Variants in ESRRB observed in about 807,000 individuals in gnomAD.
ESRRB encodes steroid hormone receptor ERR2.
ESRRB carries 16 observed loss-of-function variants against 46.0 expected under a neutral mutation model. The ratio of observed to expected loss-of-function variants is 0.35; its 90% CI spans 0.24 to 0.53. The LOEUF (loss-of-function observed/expected upper bound fraction) is 0.53, where lower values mean the gene tolerates loss of function less well. Ranked by LOEUF, ESRRB falls within the 20% of genes least tolerant of loss-of-function variation. The probability of loss-of-function intolerance (pLI) is 0.93; values close to 1 mark genes in which losing one functional copy is unlikely to be tolerated. For missense variants in ESRRB, 488 were observed against 607.4 expected (o/e 0.80, Z 2.07); for synonymous variants, 246 against 259.6 (o/e 0.95, Z 0.50).
chr14:76,338,296 C>T (rs778932787), intron 1 of ESRRB, among the ~76,000 whole-genome samples: 2 of 152,182 alleles, frequency 1.3e-5, no homozygotes, highest in Admixed American at 6.5e-5. Context: ...GGGCATGGAG[C>T]GAGCACCCAG....
upstream of ESRRB, among the ~76,000 whole-genome samples, chr14:76,369,509 G>T (rs901383166): frequency 5.3e-5 from 8 of 152,028 alleles, no homozygotes; most frequent in East Asian, 1.2e-3. Flanking sequence ...CCTGAGCTCA[G>T]GTGATCCACC....
chr14:76,353,711 G>A (rs12432878), intron 1 of ESRRB, among the ~76,000 whole-genome samples: 71,845 of 152,004 alleles, frequency 0.47, 16,985 homozygotes, highest in Admixed American at 0.48. Flanking sequence ...CAGCACTTCA[G>A]GAGGCCAAGG....
intron 1 of ESRRB, among the ~76,000 whole-genome samples, chr14:76,349,583 A>C (rs1196683618): frequency 4.6e-5 from 7 of 152,178 alleles, no homozygotes; most frequent in Non-Finnish European, 1.0e-4. Flanking sequence ...TGAATGAATG[A>C]ATGAGATTTG....
intron 3 of ESRRB, among the ~76,000 whole-genome samples, chr14:76,465,956 C>T (rs1487603198): frequency 6.6e-6 from 1 of 152,234 alleles, no homozygotes; most frequent in Non-Finnish European, 1.5e-5. Flanking sequence ...GAGCATCCTC[C>T]TTCAACAGCC....
At chr14:76,318,784 G>A (rs947542764) in intron 1 of ESRRB, among the ~76,000 whole-genome samples, 3 of 152,196 alleles carry the variant, frequency 2.0e-5, no homozygotes, top group African/African-American at 7.2e-5. Flanking sequence ...CCTGGTGCCA[G>A]AAAGGCCAAG....
chr14:76,447,254 C>CTTCT (rs1888188840), intron 2 of ESRRB, among the ~76,000 whole-genome samples: 2 of 69,196 alleles, frequency 2.9e-5, no homozygotes, highest in Non-Finnish European at 5.4e-5. Flanking sequence ...TCCTTCCTTC[C>CTTCT]TTCCTTCCTT....
At position 76,376,384 on chromosome 14, in the gene ESRRB, A is replaced by C; in HGVS notation, c.-18A>C. 1 of 1,231,436 alleles carries C rather than the reference A, an allele frequency of 8.1e-7. No homozygotes were observed. The highest frequency in any genetic ancestry group is 1.0e-6 in the Non-Finnish European group (1 of 987,856). 76.3% of individuals were successfully genotyped at this position (1,231,436 alleles called of 1,614,324 possible). A position where few individuals can be genotyped will look rare whatever the true frequency, so the allele number is the denominator to read the frequency against. On this transcript the variant is annotated 5_prime_UTR_variant, in exon 1 of 7. Coordinates refer to ENST00000644823, the MANE Select transcript of ESRRB (RefSeq NM_001379180.1). This position sits in a 1 kb window ranked among gnomAD's most constrained non-coding sequence, Gnocchi z 4.1. ...CCGCCGTCTTTCTCTACCAACTGGG[A>C]ATGCTAAAACGGGACTGATGGACGT...
chr14:76,471,357 T>G (rs1240032028), intron 3 of ESRRB, among the ~76,000 whole-genome samples: 1 of 152,202 alleles, frequency 6.6e-6, no homozygotes, highest in African/African-American at 2.4e-5. Flanking sequence ...ACTGGTAAGA[T>G]TCTGTCATTT....
At chr14:76,403,804 G>A (rs959014815) in intron 1 of ESRRB, among the ~76,000 whole-genome samples, 6 of 151,978 alleles carry the variant, frequency 3.9e-5, no homozygotes, top group African/African-American at 1.5e-4. Flanking sequence ...TCAGTTCACT[G>A]CAACCTCCGC....
At chr14:76,444,546 G>GTT (rs558793202) in intron 2 of ESRRB, among the ~76,000 whole-genome samples, 1 of 150,884 alleles carries the variant, frequency 6.6e-6, no homozygotes, top group Non-Finnish European at 1.5e-5. Context: ...TCTGTTGTGG[G>GTT]TTTTTTTTTG....
intron 1 of ESRRB, among the ~76,000 whole-genome samples, chr14:76,322,406 A>G (rs8012684): frequency 0.56 from 85,435 of 152,060 alleles, 25,604 homozygotes; most frequent in Middle Eastern, 0.7. Context: ...CTGCGTCGCC[A>G]GGAGCTCTTT....
rs1555342250 is a variant in ESRRB at position 76,463,445 on chromosome 14, G to GTTTTGTTTTTTTTT, written c.577+788_577+789insGTTTTTTTTTTTTT. Reference sequence around the variant, plus strand: ...TGAAATTAGCATCACATGCTTCTTTGTTTTTTTTTTTTTTTTTTGGAGACG... The same window carrying GTTTTGTTTTTTTTT: ...TGAAATTAGCATCACATGCTTCTTTGTTTTGTTTTTTTTTTTTTTTTTTTTTTTTTTTGGAGACG... On this transcript the variant is annotated intron_variant, in intron 3 of 6. Transcript: ENST00000644823. 1.4e-3 allele frequency: 164 copies of GTTTTGTTTTTTTTT among 114,700 alleles called. 2 individuals carry two copies. Among genetic ancestry groups the GTTTTGTTTTTTTTT allele is most frequent in the African/African-American group, 5.6e-3 (153 of 27,282 alleles). 7.1% of individuals were successfully genotyped at this position (114,700 alleles called of 1,614,324 possible).
intron 3 of ESRRB, among the ~76,000 whole-genome samples, chr14:76,476,071 T>G (rs1889571572): frequency 8.2e-6 from 1 of 121,534 alleles, no homozygotes; most frequent in Admixed American, 8.3e-5. Context: ...TGAAGTGGGT[T>G]TTTTTTTTTA....
chr14:76,424,431 G>GTCCT (rs1887110430), intron 1 of ESRRB, among the ~76,000 whole-genome samples: 1 of 152,196 alleles, frequency 6.6e-6, no homozygotes, highest in African/African-American at 2.4e-5. Context: ...TCCTGTCCTG[G>GTCCT]TGTGCACAAG....
chr14:76,346,823 C>T (rs7140331), intron 1 of ESRRB, among the ~76,000 whole-genome samples: 83,108 of 152,104 alleles, frequency 0.55, 22,918 homozygotes, highest in Admixed American at 0.68. Flanking sequence ...AATTGGACTG[C>T]TGTTCTTTCA....
chr14:76,409,824 A>C (rs1423316559), intron 1 of ESRRB, among the ~76,000 whole-genome samples: 1 of 152,062 alleles, frequency 6.6e-6, no homozygotes, highest in Non-Finnish European at 1.5e-5. Context: ...GAAATGAAGA[A>C]GGGAAGGGTT....
chr14:76,335,181 G>T (rs1884111832), intron 1 of ESRRB, among the ~76,000 whole-genome samples: 1 of 152,164 alleles, frequency 6.6e-6, no homozygotes, highest in African/African-American at 2.4e-5. Flanking sequence ...CTCCTTCACT[G>T]ATATCCTTGA....
chr14:76,330,017 G>A lies in ESRRB; in HGVS notation c.2+19101G>A, dbSNP rs541915064. Among the ~76,000 whole-genome samples, 8 of 150,032 alleles carry A rather than the reference G, an allele frequency of 5.3e-5. No individual in the cohort carries two copies. In the South Asian group the frequency reaches 1.7e-3, roughly 32 times the overall value. On this transcript the variant is annotated intron_variant, in intron 1 of 6. Coordinates refer to the ESRRB transcript ENST00000512784. The stretch of plus-strand genomic sequence containing the variant: ...AGGGATGAGTGTGGCTGAGGGTGGG[G>A]TGGGTGAGGGTCTGGGGCCAAGGGG...
intron 1 of ESRRB, among the ~76,000 whole-genome samples, chr14:76,324,674 C>T (rs528535851): frequency 6.6e-6 from 1 of 152,208 alleles, no homozygotes; most frequent in Non-Finnish European, 1.5e-5. Flanking sequence ...TGGGTTACAT[C>T]TCTCTTTCTC....
Sources: gnomAD v4.1 joint callset for allele counts (sites outside exome capture counted in the v4.1 genomes callset) on GRCh38, gnomAD v4.1.1 for gene constraint, Gnocchi (gnomAD v3.1) non-coding constraint, MANE v1.5 for transcripts, NCBI Gene and HGNC (gene_info 2026-07-23, HGNC 2026-07-21) for gene names.